The following NLGN1 variants were observed in gnomAD, a reference collection of about 807,000 sequenced individuals.
The protein encoded by NLGN1 is neuroligin 1, also known as neuroligin-1.
A neutral mutation model predicts 65.5 loss-of-function variants in NLGN1; 12 were observed. The observed-to-expected ratio is 0.18, with a 90% CI of 0.12 to 0.30. NLGN1 has a LOEUF of 0.30. Ranked by LOEUF, NLGN1 falls within the 10% of genes least tolerant of loss-of-function variation. The pLI, the probability that NLGN1 is intolerant of heterozygous loss-of-function variation, is 1.00. For synonymous variants in NLGN1, 350 were observed against 359.5 expected, an observed-to-expected ratio of 0.97 and a Z score of 0.30; for missense variants, 750 against 1,007.1, an observed-to-expected ratio of 0.74 and a Z score of 3.46.
chr3:173,715,777 A>G (rs190607803), intron 3 of NLGN1, among the ~76,000 whole-genome samples: 1 of 152,278 alleles, frequency 6.6e-6, no homozygotes, highest in East Asian at 1.9e-4. Flanking sequence ...GGCAAGTATA[A>G]ACAGTCACAA....
intron 1 of NLGN1, among the ~76,000 whole-genome samples, chr3:173,431,672 C>T (rs1018560767): frequency 6.6e-6 from 1 of 152,128 alleles, no homozygotes; most frequent in East Asian, 1.9e-4. Context: ...TTATCAGCAT[C>T]CTACACCAGA....
chr3:173,725,279 A>G (rs548595110), intron 3 of NLGN1, among the ~76,000 whole-genome samples: 6 of 152,334 alleles, frequency 3.9e-5, no homozygotes, highest in African/African-American at 9.6e-5. Flanking sequence ...ACTTTATTTT[A>G]TAGGTATGAT....
chr3:173,721,422 G>A (rs1038974651), intron 3 of NLGN1, among the ~76,000 whole-genome samples: 4 of 152,164 alleles, frequency 2.6e-5, no homozygotes, highest in African/African-American at 7.2e-5. Flanking sequence ...ACAAGTAAAC[G>A]CTATAGATTT....
intron 3 of NLGN1, among the ~76,000 whole-genome samples, chr3:173,712,408 C>G (rs1180603699): frequency 6.6e-6 from 1 of 152,144 alleles, no homozygotes; most frequent in Non-Finnish European, 1.5e-5. Context: ...TAATTATACT[C>G]AAGATTCTTA....
chr3:174,001,802 G>A lies in NLGN1; in HGVS notation c.646+193970G>A, dbSNP rs150695537. 2.3e-3 allele frequency among the ~76,000 whole-genome samples: 355 copies of A among 152,192 alleles called. 1 individual carries two copies. Among genetic ancestry groups the A allele is most frequent in the African/African-American group, 6.9e-3 (287 of 41,516 alleles). ...ATGATGATGATGATGTACAGCAGTG[G>A]TCCTCAATGTAATTTTGCTTGTTAG... On this transcript the variant is annotated intron_variant, in intron 4 of 6. Coordinates refer to ENST00000457714, the Ensembl canonical transcript of NLGN1.
At chr3:173,504,848 G>A (rs1731732853) in intron 2 of NLGN1, among the ~76,000 whole-genome samples, 2 of 151,864 alleles carry the variant, frequency 1.3e-5, no homozygotes, top group South Asian at 4.1e-4. Context: ...AGAATTCCCT[G>A]CAGGCTTGTC....
chr3:173,914,158 G>A (rs533021321), intron 4 of NLGN1, among the ~76,000 whole-genome samples: 94 of 152,232 alleles, frequency 6.2e-4, no homozygotes, highest in African/African-American at 2.1e-3. Context: ...TCTCTTTGAG[G>A]TCTCACCATT....
chr3:174,261,912 A>G (rs1747003135), intron 4 of NLGN1, among the ~76,000 whole-genome samples: 1 of 146,714 alleles, frequency 6.8e-6, no homozygotes, highest in South Asian at 2.3e-4. Flanking sequence ...GAATTTTGTC[A>G]AAGGCTTTTT....
intron 4 of NLGN1, among the ~76,000 whole-genome samples, chr3:173,920,018 A>C (rs1741647680): frequency 6.6e-6 from 1 of 152,026 alleles, no homozygotes; most frequent in African/African-American, 2.4e-5. Flanking sequence ...AGGACTTTAG[A>C]TTGCAAACTG....
At chr3:173,763,696 T>C (rs1230447037) in intron 3 of NLGN1, among the ~76,000 whole-genome samples, 1 of 151,514 alleles carries the variant, frequency 6.6e-6, no homozygotes, top group Non-Finnish European at 1.5e-5. Flanking sequence ...TGTTTTCTAC[T>C]ACCTAGAGCT....
At chr3:173,862,608 T>G (rs557770322) in intron 4 of NLGN1, among the ~76,000 whole-genome samples, 1 of 151,932 alleles carries the variant, frequency 6.6e-6, no homozygotes, top group African/African-American at 2.4e-5. Context: ...CGCATATATG[T>G]TTGTATTAAT....
chr3:173,499,887 AT>A (rs1730740934), intron 2 of NLGN1, among the ~76,000 whole-genome samples: 1 of 151,324 alleles, frequency 6.6e-6, no homozygotes. Flanking sequence ...AATACTTGTG[AT>A]TTTTGGGCAT....
chr3:173,613,492 CT>C (rs1037070576), intron 3 of NLGN1, among the ~76,000 whole-genome samples: 2 of 152,058 alleles, frequency 1.3e-5, no homozygotes, highest in African/African-American at 4.8e-5. Context: ...AAGTGTTTGA[CT>C]TTGTGTCAAC....
At chr3:174,151,032 T>C (rs76139645) in intron 4 of NLGN1, among the ~76,000 whole-genome samples, 9 of 144,886 alleles carry the variant, frequency 6.2e-5, no homozygotes, top group African/African-American at 7.9e-5. Flanking sequence ...ACTTTTTTTT[T>C]CCCCCAAGTC....
intron 3 of NLGN1, among the ~76,000 whole-genome samples, chr3:173,682,981 T>C (rs1373802858): frequency 6.6e-6 from 1 of 152,232 alleles, no homozygotes; most frequent in Non-Finnish European, 1.5e-5. Context: ...TTTATTAAAT[T>C]GTCATGTAAG....
chr3:174,012,524 T>C (rs537562802), intron 4 of NLGN1, among the ~76,000 whole-genome samples: 3 of 152,316 alleles, frequency 2.0e-5, no homozygotes, highest in Non-Finnish European at 2.9e-5. Flanking sequence ...ACTAACACTA[T>C]CTGAAGGGTA....
At chr3:173,707,332 G>A (rs1476999350) in intron 3 of NLGN1, among the ~76,000 whole-genome samples, 2 of 152,124 alleles carry the variant, frequency 1.3e-5, no homozygotes, top group South Asian at 4.1e-4. Flanking sequence ...TAATTTCTGT[G>A]TGGCTTTAAA....
At chr3:173,943,929 A>G (rs1453205565) in intron 4 of NLGN1, among the ~76,000 whole-genome samples, 1 of 152,202 alleles carries the variant, frequency 6.6e-6, no homozygotes, top group Non-Finnish European at 1.5e-5. Context: ...ATTTCCCAAC[A>G]TCATTAGTAA....
At chr3:173,452,643 T>G (rs1256356114) in intron 2 of NLGN1, among the ~76,000 whole-genome samples, 1 of 152,206 alleles carries the variant, frequency 6.6e-6, no homozygotes, top group African/African-American at 2.4e-5. Flanking sequence ...CATTCCATAG[T>G]AGAGACAGAA....
Sources: allele counts gnomAD v4.1 joint callset (sites outside exome capture counted in the v4.1 genomes callset), GRCh38; gene constraint gnomAD v4.1.1; transcripts MANE v1.5; gene names NCBI Gene and HGNC (gene_info 2026-07-23, HGNC 2026-07-21).